Variants in NCAM2 observed in about 807,000 individuals in gnomAD.
NCAM2 encodes N-CAM-2.
NCAM2 carries 30 observed loss-of-function variants against 98.1 expected under a neutral mutation model. That is an observed-to-expected ratio of 0.31 (90% CI 0.23 to 0.41). The LOEUF (loss-of-function observed/expected upper bound fraction) is 0.41, where lower values mean the gene tolerates loss of function less well. Among genes scored for constraint, NCAM2 ranks in the 10% least tolerant of loss-of-function variants. NCAM2 has a pLI of 1.00. For missense variants in NCAM2, 867 were observed against 1,005.8 expected (o/e 0.86, Z 1.87); for synonymous variants, 368 against 342.4 (o/e 1.07, Z -0.83).
At chr21:21,221,117 G>T (rs2070130681) in intron 1 of NCAM2, among the ~76,000 whole-genome samples, 1 of 151,948 alleles carries the variant, frequency 6.6e-6, no homozygotes, top group African/African-American at 2.4e-5. Flanking sequence ...ATTGTTTTGG[G>T]GCACCACGAA....
intron 1 of NCAM2, among the ~76,000 whole-genome samples, chr21:21,209,973 G>A (rs113304275): frequency 2.0e-5 from 3 of 152,228 alleles, no homozygotes; most frequent in African/African-American, 7.2e-5. Flanking sequence ...CAATAACTCA[G>A]GATTAGTATG....
intron 7 of NCAM2, 99 bp from the exon 8 acceptor site, chr21:21,338,290 A>C: frequency 3.6e-6 from 4 of 1,105,324 alleles, no homozygotes; most frequent in Non-Finnish European, 5.2e-6. Context: ...TAATAATATC[A>C]TACTATACTA....
chr21:21,271,753 T>G (rs920839566), intron 1 of NCAM2, among the ~76,000 whole-genome samples: 1 of 152,144 alleles, frequency 6.6e-6, no homozygotes, highest in Non-Finnish European at 1.5e-5. Flanking sequence ...AATAGAGTAA[T>G]AAAAAAGTGG....
intron 1 of NCAM2, among the ~76,000 whole-genome samples, chr21:21,278,049 G>A (rs62209219): frequency 0.014 from 2,188 of 152,182 alleles, 43 homozygotes; most frequent in Admixed American, 0.037. Flanking sequence ...GCAGGTTGAA[G>A]ATGGCAAGAT....
chr21:21,466,563 G>A (rs181105287), intron 12 of NCAM2, 43 bp from the exon 13 acceptor site: 29,829 of 1,316,566 alleles, frequency 0.023, 327 homozygotes, highest in South Asian at 0.036. Context: ...AGATATATAT[G>A]TATATATATG....
chr21:21,135,245 C>CAAAAA (rs3071998), intron 1 of NCAM2, among the ~76,000 whole-genome samples: 6 of 88,506 alleles, frequency 6.8e-5, no homozygotes, highest in African/African-American at 1.6e-4. Flanking sequence ...GACTCCATCT[C>CAAAAA]AAAAAAAAAA....
intron 1 of NCAM2, among the ~76,000 whole-genome samples, chr21:21,019,054 A>G (rs1413719501): frequency 6.6e-6 from 1 of 152,214 alleles, no homozygotes; most frequent in African/African-American, 2.4e-5. Context: ...AGTTCCAGGC[A>G]TTGAGGCCAA....
intron 16 of NCAM2, among the ~76,000 whole-genome samples, chr21:21,519,645 A>G (rs1988905677): frequency 6.6e-6 from 1 of 152,172 alleles, no homozygotes; most frequent in African/African-American, 2.4e-5. Context: ...GGGAAAATGA[A>G]AATATGTGGT....
rs940765496 is a variant in NCAM2 at position 21,343,318 on chromosome 21, A to G, written c.1044+4784A>G. On this transcript the variant is annotated intron_variant, in intron 8 of 17. Transcript: ENST00000400546. Reference sequence around the variant, plus strand: ...AGAAGGCTCCACCAATTGTCTCCCCAACCCTGCAAGGACACCAAGTTAACA... The same window carrying G: ...AGAAGGCTCCACCAATTGTCTCCCCGACCCTGCAAGGACACCAAGTTAACA... Among the ~76,000 whole-genome samples, 8 of 150,662 alleles carry G rather than the reference A, an allele frequency of 5.3e-5. No homozygotes were observed. In the South Asian group the frequency reaches 1.7e-3, roughly 32 times the overall value.
chr21:21,015,326 C>T (rs1252615031), intron 1 of NCAM2, among the ~76,000 whole-genome samples: 1 of 152,134 alleles, frequency 6.6e-6, no homozygotes, highest in African/African-American at 2.4e-5. Flanking sequence ...ATTGAAAACA[C>T]CGGACATCAT....
chr21:21,062,318 G>A (rs56323075), intron 1 of NCAM2, among the ~76,000 whole-genome samples: 25,893 of 151,032 alleles, frequency 0.17, 2,419 homozygotes, highest in Non-Finnish European at 0.19. Flanking sequence ...CTTTTTTTTC[G>A]CCTAAGTATA....
intron 15 of NCAM2, among the ~76,000 whole-genome samples, chr21:21,486,936 A>G (rs907867636): frequency 3.3e-5 from 5 of 152,162 alleles, no homozygotes; most frequent in African/African-American, 1.2e-4. Context: ...CCTAAACTTT[A>G]TAAGCAGTCT....
intron 1 of NCAM2, among the ~76,000 whole-genome samples, chr21:21,194,876 A>G (rs1005823098): frequency 1.3e-5 from 2 of 152,150 alleles, no homozygotes; most frequent in African/African-American, 4.8e-5. Context: ...TCTTTTGCCT[A>G]GAAGTTTGTA....
chr21:21,090,276 G>T (rs949138802), intron 1 of NCAM2, among the ~76,000 whole-genome samples: 12 of 152,102 alleles, frequency 7.9e-5, no homozygotes, highest in Non-Finnish European at 1.6e-4. Flanking sequence ...GTTTTTAATG[G>T]AGAAGGTCTT....
chr21:21,408,934 T>C (rs1354195184), intron 9 of NCAM2, among the ~76,000 whole-genome samples: 2 of 149,852 alleles, frequency 1.3e-5, no homozygotes, highest in Non-Finnish European at 3.0e-5. Context: ...TATCTGATAT[T>C]TATATAATTA....
At chr21:21,464,024 A>G (rs1983347730) in intron 12 of NCAM2, among the ~76,000 whole-genome samples, 1 of 152,130 alleles carries the variant, frequency 6.6e-6, no homozygotes, top group Non-Finnish European at 1.5e-5. Flanking sequence ...TGATCTCTAC[A>G]CTTCTGATTT....
chr21:21,278,515 C>T (rs976464767), intron 1 of NCAM2, among the ~76,000 whole-genome samples: 5 of 152,020 alleles, frequency 3.3e-5, no homozygotes, highest in African/African-American at 1.2e-4. Context: ...TCTATTTTTC[C>T]CTTGGCTACT....
intron 1 of NCAM2, among the ~76,000 whole-genome samples, chr21:21,216,507 A>T (rs1480071683): frequency 2.6e-5 from 4 of 152,160 alleles, no homozygotes; most frequent in African/African-American, 9.7e-5. Context: ...TGTGGCCACA[A>T]TCTGGTGTTC....
chr21:21,048,454 G>A lies in NCAM2; in HGVS notation c.55+49836G>A, dbSNP rs372535130. On this transcript the variant is annotated intron_variant, in intron 1 of 17. Coordinates refer to ENST00000400546, the MANE Select transcript of NCAM2 (RefSeq NM_004540.5). ...TGCAAGCTCTGCCTCCAGGGTTCAC[G>A]CCATTCTCCTGCCTCAGCCTCCAGA... 1.4e-3 allele frequency among the ~76,000 whole-genome samples: 214 copies of A among 152,028 alleles called. 1 individual carries two copies. The highest frequency in any genetic ancestry group is 5.1e-3 in the African/African-American group (213 of 41,476).
Sources: allele counts gnomAD v4.1 joint callset (sites outside exome capture counted in the v4.1 genomes callset), GRCh38; gene constraint gnomAD v4.1.1; transcripts MANE v1.5; gene names NCBI Gene and HGNC (gene_info 2026-07-23, HGNC 2026-07-21).